INPP5E: variants seen among roughly 807,000 people sequenced by gnomAD.
The protein encoded by INPP5E is inositol polyphosphate-5-phosphatase E.
INPP5E carries 34 observed loss-of-function variants against 50.5 expected under a neutral mutation model. The ratio of observed to expected loss-of-function variants is 0.67; its 90% CI spans 0.51 to 0.90. The LOEUF is 0.90. INPP5E is among the 40% of genes least tolerant of loss of function. INPP5E has a pLI of 0.00. For synonymous variants in INPP5E, 447 were observed against 406.0 expected (o/e 1.10, Z -1.21); for missense variants, 942 against 905.5 (o/e 1.04, Z -0.52).
rs1167225330 is a variant in INPP5E at position 136,432,553 on chromosome 9, T to C, written c.1313A>G (p.Asp438Gly). Residue 438 changes from aspartate to glycine, a missense_variant, in exon 6 of 10, where the codon GAC (aspartate) becomes GGC (glycine). Transcript: ENST00000371712. Reference sequence around the variant, plus strand: ...CAGGGCTTGTACAGTCCTGGTGTAGTCCAGCAGCCGCTCCGCCACCTTCCC... The same window carrying C: ...CAGGGCTTGTACAGTCCTGGTGTAGCCCAGCAGCCGCTCCGCCACCTTCCC... ...GDGKVAERLLDYTRTVQALVL... is the reference protein window; with the variant it reads ...GDGKVAERLLGYTRTVQALVL... The C allele has an allele frequency of 1.3e-6, 2 of 1,550,350 alleles. No homozygotes were observed. Among genetic ancestry groups the C allele is most frequent in the Non-Finnish European group, 1.7e-6 (2 of 1,146,862 alleles).
intron 1 of INPP5E, 47 bp downstream of exon 1, chr9:136,438,561 C>A (rs1199027721): frequency 6.7e-7 from 1 of 1,490,100 alleles, no homozygotes; most frequent in Non-Finnish European, 9.1e-7. Context: ...AGCCTGAACA[C>A]TACAACGAAG....
rs1171323331 is a variant in INPP5E at position 136,439,066 on chromosome 9, G to T, written c.354C>A (p.Ser118Arg). The change falls in exon 1 of 10, where the codon AGC (serine) becomes AGA (arginine). Residue 118 changes from serine to arginine, a missense_variant. By Grantham distance (110) the Ser-to-Arg change is moderately radical. Transcript: ENST00000371712. ...GTSPSRGSVQ[S>R]EGPGAPAHSC... The stretch of plus-strand genomic sequence containing the variant: ...TGTGGGCGGGGGCCCCGGGGCCCTC[G>T]CTCTGCACTGAGCCCCTGGAGGGAC... The T allele has an allele frequency of 6.4e-7, 1 of 1,567,114 alleles. No homozygotes were observed. The highest frequency in any genetic ancestry group is 8.6e-7 in the Non-Finnish European group (1 of 1,156,988).
At position 136,430,351 on chromosome 9, in the gene INPP5E, G is replaced by C; in HGVS notation, c.1728C>G (p.Cys576Trp). Reference sequence around the variant, plus strand: ...GGTGGTCGGACGTCTTGATCCCGGGGCAGGAAGAGTAGCTCACAGGACAGA... The same window carrying C: ...GGTGGTCGGACGTCTTGATCCCGGGCCAGGAAGAGTAGCTCACAGGACAGA... ...GDICPVSYSS[C>W]PGIKTSDHRP... The change falls in exon 9 of 10, where the codon TGC becomes TGG. Residue 576 changes from cysteine (C) to tryptophan (W), a missense_variant. By Grantham distance (215) the Cys-to-Trp change is radical. Coordinates refer to ENST00000371712, the MANE Select transcript of INPP5E (RefSeq NM_019892.6). 6.4e-7 allele frequency: 1 copy of C among 1,554,772 alleles called. No homozygotes were observed. Among genetic ancestry groups the C allele is most frequent in the Non-Finnish European group, 8.7e-7 (1 of 1,148,300 alleles).
At chr9:136,430,236 C>T (rs1317770321) in intron 9 of INPP5E, 41 bp downstream of exon 9, 1 of 1,550,074 alleles carries the variant, frequency 6.5e-7, no homozygotes, top group South Asian at 1.2e-5. Context: ...GACGGCACGA[C>T]CCCCAGGCCC....
In INPP5E at chr9:136,433,168, G is replaced by T. The variant is rs760349095; in HGVS notation, c.1146C>A (p.Ile382=). The change falls in exon 4 of 10, where the codon ATC becomes ATA. Residue 382 remains isoleucine, a synonymous_variant. Transcript: ENST00000371712. The part of the protein sequence containing the change: ...YMSLFIRRDL[I]WFCSEVECST... ...AGCCGCGCCCACCTGAGCAGAACCA[G>T]ATGAGGTCCCTGCGGATGAAGAGCG... 2.8e-6 allele frequency: 3 copies of T among 1,059,054 alleles called. No individual in the cohort carries two copies. In the South Asian group the frequency reaches 3.8e-5, roughly 14 times the overall value. The allele number at this position is 1,059,054 out of a possible 1,614,324, so 65.6% of individuals were successfully genotyped here.
intron 1 of INPP5E, 194 bp downstream of exon 1, chr9:136,438,414 C>T: frequency 1.6e-6 from 1 of 624,652 alleles, no homozygotes; most frequent in South Asian, 1.9e-5. Context: ...GGTTCTGAAA[C>T]GCACAGGAAA....
intron 1 of INPP5E, 74 bp from the exon 2 acceptor site, chr9:136,434,937 GA>G: frequency 1.3e-6 from 2 of 1,537,278 alleles, no homozygotes; most frequent in Non-Finnish European, 1.8e-6. Context: ...GGTCCCCAGG[GA>G]CAATAGCAAA....
Position 136,431,088 on chromosome 9 carries a change from C to A in INPP5E, c.1579G>T (p.Asp527Tyr). 6.2e-7 allele frequency: 1 copy of A among 1,613,092 alleles called. No individual in the cohort carries two copies. Among genetic ancestry groups the A allele is most frequent in the South Asian group, 1.1e-5 (1 of 91,062 alleles). The change falls in exon 8 of 10, where the codon GAC (aspartate) becomes TAC (tyrosine). Residue 527 changes from aspartate (D) to tyrosine (Y), a missense_variant. Coordinates refer to ENST00000371712, the MANE Select transcript of INPP5E (RefSeq NM_019892.6). ...GSIFKGFQEP[D>Y]IHFLPSYKFD... is the part of the protein sequence containing the mutation. The stretch of plus-strand genomic sequence containing the variant: ...TTGTATGATGGGAGGAAGTGGATGT[C>A]CGGCTCCTGGAAGCCCTTGAAGATG...
intron 6 of INPP5E, among the ~76,000 whole-genome samples, chr9:136,432,187 G>C (rs933288444): frequency 8.5e-5 from 13 of 152,190 alleles, no homozygotes; most frequent in African/African-American, 2.9e-4. Context: ...CGATGCCCAT[G>C]GCAGGCGATG....
chr9:136,439,491 GGGGTCGCCGGCGCAGCGAGGAGCA>G lies in INPP5E; in HGVS notation c.-96_-73del. 1 of 1,172,536 alleles carries G rather than the reference GGGGTCGCCGGCGCAGCGAGGAGCA, an allele frequency of 8.5e-7. No homozygotes were observed. The highest frequency in any genetic ancestry group is 2.1e-5 in the South Asian group (1 of 47,540). The allele number at this position is 1,172,536 out of a possible 1,614,324, so 72.6% of individuals were successfully genotyped here. On this transcript the variant is annotated 5_prime_UTR_variant, in exon 1 of 10. Transcript: ENST00000371712. ...GCGAGGGGTCACGGGTGCCGGGTCC[GGGGTCGCCGGCGCAGCGAGGAGCA>G]GAAACGCCGCTGCGGCTCCCGCTTG...
rs886063711 is a variant in INPP5E, at chr9:136,432,942, A to G, written c.1279+14T>C. On this transcript the variant is annotated intron_variant, in intron 5 of 9. Transcript: ENST00000371712. ...CTCACACAGCACCTGCGGTGCGGGCACCAAGCAACTTACAGGTGAAGTGGG... is the reference window on the plus strand; with the variant it reads ...CTCACACAGCACCTGCGGTGCGGGCGCCAAGCAACTTACAGGTGAAGTGGG... The G allele has an allele frequency of 1.9e-6, 3 of 1,612,062 alleles. No homozygotes were observed. The East Asian group carries it at 6.7e-5, about 36-fold the overall frequency.
rs1025761259 is a variant in INPP5E, at chr9:136,434,438, G to A, written c.936+302C>T. The stretch of plus-strand genomic sequence containing the variant: ...CACCCTGTCCCTGAGCCACCCCTAC[G>A]CGTGCCCCGCTGGCCGCCCTCCCGC... On this transcript the variant is annotated intron_variant, in intron 2 of 9. Transcript: ENST00000371712. Among the ~76,000 whole-genome samples the A allele has an allele frequency of 1.6e-4, 24 of 151,346 alleles. No individual in the cohort carries two copies. The South Asian group carries it at 1.7e-3, about 11-fold the overall frequency.
chr9:136,439,354 C>G lies in INPP5E; in HGVS notation c.66G>C (p.Thr22=), dbSNP rs989328843. 3.5e-6 allele frequency: 5 copies of G among 1,441,418 alleles called. No individual in the cohort carries two copies. The highest frequency in any genetic ancestry group is 4.5e-6 in the Non-Finnish European group (5 of 1,105,210). 89.3% of individuals were successfully genotyped at this position (1,441,418 alleles called of 1,614,324 possible). ...GAGCGCCGGGAAGCTGTCCTTGGAG[C>G]GTCCTCCCTTCCGGCGGCTGCGGGG... is the stretch of plus-strand genomic sequence containing the variant. ...EPAPQPPEGR[T]LQGQLPGAPP... The change falls in exon 1 of 10, where the codon ACG becomes ACC. Residue 22 remains threonine, a synonymous_variant. Transcript: ENST00000371712.
intron 7 of INPP5E, 30 bp from the exon 8 acceptor site, chr9:136,431,147 C>G (rs1438842108): frequency 1.3e-6 from 2 of 1,490,472 alleles, no homozygotes; most frequent in Non-Finnish European, 1.9e-6. Context: ...CGGACTGGCT[C>G]AGACCAGCTT....
chr9:136,436,038 G>A (rs969287895), intron 1 of INPP5E: 1 of 152,208 alleles, frequency 6.6e-6, no homozygotes, highest in Non-Finnish European at 1.5e-5. Flanking sequence ...TTCTGACATG[G>A]TTCCCTTCCG....
rs1588833748 is a variant in INPP5E, at chr9:136,432,679, A to G, written c.1280-93T>C. The G allele has an allele frequency of 6.1e-6, 6 of 983,946 alleles. No individual in the cohort carries two copies. The Admixed American group carries it at 8.0e-5, about 13-fold the overall frequency. The allele number at this position is 983,946 out of a possible 1,614,324, so 61.0% of individuals were successfully genotyped here. A position where few individuals can be genotyped will look rare whatever the true frequency, so the allele number is the denominator to read the frequency against. ...CCTCTGGACTGTGCCCTGACTGCGC[A>G]CCCCCGGCAGACGCAACCCCACCGG... On this transcript the variant is annotated intron_variant, in intron 5 of 9. Transcript: ENST00000371712.
At position 136,429,583 on chromosome 9, in the gene INPP5E, C is replaced by T; in HGVS notation, c.*92G>A. 6.5e-7 allele frequency: 1 copy of T among 1,542,282 alleles called. No individual in the cohort carries two copies. Among genetic ancestry groups the T allele is most frequent in the Non-Finnish European group, 8.9e-7 (1 of 1,126,022 alleles). ...CACGGTCGCCACAGTCCCTCGGATC[C>T]CCGAAAGGCGGCAAACTCTTTGTCC... is the stretch of plus-strand genomic sequence containing the variant. On this transcript the variant is annotated 3_prime_UTR_variant, in exon 10 of 10. Transcript: ENST00000371712.
chr9:136,428,652 T>C lies in INPP5E; in HGVS notation c.*1023A>G, dbSNP rs1835628420. 6.6e-6 allele frequency: 1 copy of C among 152,318 alleles called. No homozygotes were observed. The highest frequency in any genetic ancestry group is 1.5e-5 in the Non-Finnish European group (1 of 68,028). 9.4% of individuals were successfully genotyped at this position (152,318 alleles called of 1,614,324 possible). On this transcript the variant is annotated 3_prime_UTR_variant, in exon 10 of 10. Coordinates refer to ENST00000371712, the MANE Select transcript of INPP5E (RefSeq NM_019892.6). ...CTCAATATATGCATTTATTTAAAAATATAAATATGGAAAAATAATTTAAAA... is the reference window on the plus strand; with the variant it reads ...CTCAATATATGCATTTATTTAAAAACATAAATATGGAAAAATAATTTAAAA...
intron 1 of INPP5E, chr9:136,438,338 G>T: frequency 3.5e-6 from 2 of 575,508 alleles, no homozygotes; most frequent in African/African-American, 1.9e-5. Flanking sequence ...AAGAAAAAGC[G>T]CCAGATACGT....
Sources: allele counts gnomAD v4.1 joint callset (sites outside exome capture counted in the v4.1 genomes callset), GRCh38; gene constraint gnomAD v4.1.1; transcripts MANE v1.5; gene names NCBI Gene and HGNC (gene_info 2026-07-23, HGNC 2026-07-21).